The following TRHDE variants were observed in gnomAD, a reference collection of about 807,000 sequenced individuals.
TRHDE encodes the protein thyrotropin-releasing hormone-degrading ectoenzyme.
TRHDE carries 72 observed loss-of-function variants against 125.7 expected under a neutral mutation model. That is an observed-to-expected ratio of 0.57 (90% CI 0.47 to 0.70). The LOEUF (loss-of-function observed/expected upper bound fraction) is 0.70. Among genes scored for constraint, TRHDE ranks in the 30% least tolerant of loss-of-function variants. The pLI is 0.00. For missense variants in TRHDE, 1,110 were observed against 1,327.1 expected (o/e 0.84, Z 2.54); for synonymous variants, 509 against 509.1 (o/e 1.00, Z 0.00).
At chr12:72,139,976 C>T (rs1184846634) in intron 2 of TRHDE, 1 of 152,148 alleles carries the variant, frequency 6.6e-6, no homozygotes, top group African/African-American at 2.4e-5. Flanking sequence ...AATAACATAC[C>T]AACGTGACAG....
chr12:72,133,415 G>A (rs539757800), intron 2 of TRHDE, among the ~76,000 whole-genome samples: 1 of 152,260 alleles, frequency 6.6e-6, no homozygotes, highest in South Asian at 2.1e-4. Context: ...GGGTAGAAGA[G>A]GGAGAGATTA....
chr12:72,342,187 T>G (rs1870115725), intron 2 of TRHDE, among the ~76,000 whole-genome samples: 1 of 152,186 alleles, frequency 6.6e-6, no homozygotes, highest in South Asian at 2.1e-4. Context: ...TATTCACTCA[T>G]TTTTATCATT....
chr12:72,378,103 T>C lies in TRHDE; in HGVS notation c.1297T>C (p.Tyr433His). The C allele has an allele frequency of 6.3e-7, 1 of 1,581,692 alleles. No individual in the cohort carries two copies. The highest frequency in any genetic ancestry group is 8.5e-7 in the Non-Finnish European group (1 of 1,170,162). ...EFYEDYFKVP[Y>H]SLPKLDLLAV... The stretch of plus-strand genomic sequence containing the variant: ...TTATGAAGACTACTTTAAAGTGCCC[T>C]ATTCCTTGCCAAAACTAGGTAAGAA... The change falls in exon 3 of 19, where the codon TAT becomes CAT. Residue 433 changes from tyrosine (Y) to histidine (H), a missense_variant. Around this residue, in one of 5 missense-constraint regions of TRHDE, gnomAD observed 252 missense variants for 274.8 expected, o/e 0.92. Coordinates refer to ENST00000261180, the MANE Select transcript of TRHDE (RefSeq NM_013381.3).
At chr12:72,492,156 C>T (rs1029580406) in intron 5 of TRHDE, among the ~76,000 whole-genome samples, 37 of 151,896 alleles carry the variant, frequency 2.4e-4, no homozygotes, top group Non-Finnish European at 4.4e-5. Context: ...GTATATTTTA[C>T]ACATGAGATT....
chr12:72,308,700 A>G (rs1323369770), intron 2 of TRHDE, among the ~76,000 whole-genome samples: 5 of 152,216 alleles, frequency 3.3e-5, no homozygotes, highest in Non-Finnish European at 5.9e-5. Flanking sequence ...AAGATGATAT[A>G]TAAATGTCCA....
At chr12:72,587,498 T>C (rs1296026336) in intron 12 of TRHDE, among the ~76,000 whole-genome samples, 1 of 152,060 alleles carries the variant, frequency 6.6e-6, no homozygotes, top group Non-Finnish European at 1.5e-5. Flanking sequence ...TATCTGAAAG[T>C]AAGTAGATCT....
chr12:72,416,700 T>A (rs2135821349), intron 3 of TRHDE, among the ~76,000 whole-genome samples: 1 of 152,240 alleles, frequency 6.6e-6, no homozygotes, highest in South Asian at 2.1e-4. Flanking sequence ...TATGTGGATT[T>A]ATTTCTGGGT....
intron 2 of TRHDE, among the ~76,000 whole-genome samples, chr12:72,301,985 A>AAATTTGT (rs1868269333): frequency 6.6e-6 from 1 of 152,204 alleles, no homozygotes. Context: ...CTACAGTGGA[A>AAATTTGT]AGTGTTGCAA....
intron 12 of TRHDE, chr12:72,582,591 C>T (rs1439294580): frequency 2.0e-6 from 2 of 985,278 alleles, no homozygotes; most frequent in Non-Finnish European, 2.4e-6. Flanking sequence ...AAAGCAAGTG[C>T]ACCCTGACCC....
At chr12:72,304,099 G>A (rs933909604) in intron 2 of TRHDE, among the ~76,000 whole-genome samples, 5 of 152,096 alleles carry the variant, frequency 3.3e-5, no homozygotes, top group Non-Finnish European at 7.4e-5. Flanking sequence ...ATGTTAAATA[G>A]CTTCTATCTG....
intron 2 of TRHDE, among the ~76,000 whole-genome samples, chr12:72,185,437 G>T (rs1027419267): frequency 2.0e-5 from 3 of 152,272 alleles, no homozygotes; most frequent in Admixed American, 1.3e-4. Context: ...GCGAGCGCAC[G>T]GCGCAGGACT....
intron 6 of TRHDE, among the ~76,000 whole-genome samples, chr12:72,510,065 C>A (rs1182870481): frequency 6.6e-6 from 1 of 152,074 alleles, no homozygotes; most frequent in Non-Finnish European, 1.5e-5. Context: ...CAGCCCTGGA[C>A]CTCATGGGAC....
chr12:72,138,824 G>T (rs1180166259), intron 2 of TRHDE, among the ~76,000 whole-genome samples: 3 of 152,212 alleles, frequency 2.0e-5, no homozygotes, highest in Admixed American at 6.5e-5. Flanking sequence ...GAACTATCCA[G>T]ACTTCCCTGG....
intron 2 of TRHDE, among the ~76,000 whole-genome samples, chr12:72,135,278 T>G (rs1197787706): frequency 6.6e-6 from 1 of 152,222 alleles, no homozygotes; most frequent in Non-Finnish European, 1.5e-5. Flanking sequence ...TGTCATGTTG[T>G]TTTCAAGCAT....
chr12:72,126,168 C>G (rs1875708683), intron 2 of TRHDE, among the ~76,000 whole-genome samples: 1 of 152,082 alleles, frequency 6.6e-6, no homozygotes, highest in Non-Finnish European at 1.5e-5. Flanking sequence ...GGTGAAAGAT[C>G]TCTACAAGGA....
Position 72,669,558 on chromosome 12 carries a change from C to T in TRHDE, c.*6363C>T, listed in dbSNP as rs576032857. Reference sequence around the variant, plus strand: ...ACTTTTTAAGTTAATCATTTAGTAGCTACCCTTTTAACCTCTACTATGTTC... The same window carrying T: ...ACTTTTTAAGTTAATCATTTAGTAGTTACCCTTTTAACCTCTACTATGTTC... On this transcript the variant is annotated 3_prime_UTR_variant, in exon 19 of 19. Coordinates refer to ENST00000261180, the MANE Select transcript of TRHDE (RefSeq NM_013381.3). 6.6e-6 allele frequency: 1 copy of T among 151,964 alleles called. No individual in the cohort carries two copies. Among genetic ancestry groups the T allele is most frequent in the African/African-American group, 2.4e-5 (1 of 41,536 alleles). The allele number at this position is 151,964 out of a possible 1,614,324, so 9.4% of individuals were successfully genotyped here. A position where few individuals can be genotyped will look rare whatever the true frequency, so the allele number is the denominator to read the frequency against.
Position 72,152,906 on chromosome 12 carries a change from C to T in TRHDE, n.279+47154C>T, listed in dbSNP as rs547995548. Among the ~76,000 whole-genome samples, 90 of 152,242 alleles carry T rather than the reference C, an allele frequency of 5.9e-4. 1 individual carries two copies. The highest frequency in any genetic ancestry group is 2.1e-3 in the African/African-American group (87 of 41,548). ...GCTTTGGTATCAGAATGGTGCTGGCCTCATAAAATGAGTTAGGGAGGATTC... is the reference window on the plus strand; with the variant it reads ...GCTTTGGTATCAGAATGGTGCTGGCTTCATAAAATGAGTTAGGGAGGATTC... On this transcript the variant is annotated intron_variant and non_coding_transcript_variant, in intron 2 of 4. Transcript: ENST00000548156.
At chr12:72,412,330 A>G in intron 3 of TRHDE, among the ~76,000 whole-genome samples, 1 of 152,316 alleles carries the variant, frequency 6.6e-6, no homozygotes, top group African/African-American at 2.4e-5. Context: ...ATATAAAAAG[A>G]TAACCAATTT....
At chr12:72,222,595 T>C (rs1412342245) in intron 2 of TRHDE, among the ~76,000 whole-genome samples, 1 of 152,138 alleles carries the variant, frequency 6.6e-6, no homozygotes, top group African/African-American at 2.4e-5. Context: ...TTGATGCTAC[T>C]GGTCTGAGGA....
Sources: gnomAD v4.1 joint callset for allele counts (sites outside exome capture counted in the v4.1 genomes callset) on GRCh38, gnomAD v4.1.1 for gene constraint, gnomAD v4.1.1 regional missense constraint, MANE v1.5 for transcripts, NCBI Gene and HGNC (gene_info 2026-07-23, HGNC 2026-07-21) for gene names.